PITPNC1: variants seen among roughly 807,000 people sequenced by gnomAD.
The protein encoded by PITPNC1 is phosphatidylinositol transfer protein cytoplasmic 1, also known as cytoplasmic phosphatidylinositol transfer protein 1.
PITPNC1 carries 18 observed loss-of-function variants against 44.7 expected under a neutral mutation model. That is an observed-to-expected ratio of 0.40 (90% CI 0.28 to 0.60). The LOEUF is 0.60. Ranked by LOEUF, PITPNC1 falls within the 20% of genes least tolerant of loss-of-function variation. PITPNC1 has a pLI of 0.39. For synonymous variants in PITPNC1, 141 were observed against 149.6 expected (o/e 0.94, Z 0.42); for missense variants, 290 against 418.4 (o/e 0.69, Z 2.68).
chr17:67,498,149 C>T (rs567449504), intron 1 of PITPNC1, among the ~76,000 whole-genome samples: 2 of 152,272 alleles, frequency 1.3e-5, no homozygotes, highest in South Asian at 2.1e-4. Context: ...GGATTACAGG[C>T]GTGGGCCACT....
At chr17:67,451,936 G>A (rs761213788) in intron 1 of PITPNC1, among the ~76,000 whole-genome samples, 12 of 149,926 alleles carry the variant, frequency 8.0e-5, no homozygotes, top group Non-Finnish European at 1.0e-4. Flanking sequence ...ACGCCTGGCC[G>A]AGACTGGCTT....
chr17:67,380,933 C>T lies in PITPNC1; in HGVS notation c.48+2731C>T, dbSNP rs962040713. Among the ~76,000 whole-genome samples, 5 of 152,200 alleles carry T rather than the reference C, an allele frequency of 3.3e-5. No homozygotes were observed. In the South Asian group the frequency reaches 8.3e-4, roughly 25 times the overall value. On this transcript the variant is annotated intron_variant, in intron 1 of 8. Transcript: ENST00000581322. ...GGACAATAGGTGTGTGCTGCCAACC[C>T]GGCTAATTTTTTTACTTTTTGTAGA...
intron 5 of PITPNC1, among the ~76,000 whole-genome samples, chr17:67,589,120 G>A (rs973859840): frequency 3.9e-5 from 6 of 152,282 alleles, no homozygotes; most frequent in Middle Eastern, 3.4e-3. Flanking sequence ...TGTGTCTAAT[G>A]GTGTCATTTT....
intron 1 of PITPNC1, among the ~76,000 whole-genome samples, chr17:67,448,708 C>T (rs939917730): frequency 2.0e-5 from 3 of 152,216 alleles, no homozygotes; most frequent in African/African-American, 7.2e-5. Flanking sequence ...TCACCTTCCA[C>T]AGTCAAAATC....
At chr17:67,412,330 T>C (rs1231378498) in intron 1 of PITPNC1, among the ~76,000 whole-genome samples, 1 of 152,078 alleles carries the variant, frequency 6.6e-6, no homozygotes. Flanking sequence ...AAATTCCAAG[T>C]AGATACTGAC....
intron 6 of PITPNC1, among the ~76,000 whole-genome samples, chr17:67,655,102 C>A (rs1327058955): frequency 2.0e-5 from 3 of 152,152 alleles, no homozygotes; most frequent in Non-Finnish European, 4.4e-5. Context: ...AAACAATAAA[C>A]ATTGATTTTT....
intron 1 of PITPNC1, among the ~76,000 whole-genome samples, chr17:67,514,317 C>T (rs2040230193): frequency 1.3e-5 from 2 of 151,986 alleles, no homozygotes; most frequent in South Asian, 2.1e-4. Flanking sequence ...CTTCCAGCCT[C>T]AACCTCCGAG....
At chr17:67,521,517 A>G (rs2040324726) in intron 1 of PITPNC1, among the ~76,000 whole-genome samples, 1 of 152,060 alleles carries the variant, frequency 6.6e-6, no homozygotes, top group African/African-American at 2.4e-5. Flanking sequence ...TTCATGGTTT[A>G]TTGACCAGGC....
chr17:67,567,577 G>A (rs541291277), intron 4 of PITPNC1, among the ~76,000 whole-genome samples: 3 of 152,170 alleles, frequency 2.0e-5, no homozygotes, highest in Non-Finnish European at 4.4e-5. Context: ...ATGTACAAGG[G>A]TGCAGCCACT....
At position 67,553,612 on chromosome 17, in the gene PITPNC1, T is replaced by C; in HGVS notation, c.289T>C (p.Tyr97His). The C allele has an allele frequency of 8.1e-7, 1 of 1,236,206 alleles. No individual in the cohort carries two copies. The highest frequency in any genetic ancestry group is 1.1e-6 in the Non-Finnish European group (1 of 891,546). The allele number at this position is 1,236,206 out of a possible 1,614,324, so 76.6% of individuals were successfully genotyped here. A position where few individuals can be genotyped will look rare whatever the true frequency, so the allele number is the denominator to read the frequency against. The change falls in exon 4 of 9, where the codon TAC (tyrosine) becomes CAC (histidine). Residue 97 changes from tyrosine to histidine, a missense_variant and splice_region_variant. Physicochemically the swap from Tyr to His is moderately conservative, Grantham distance 83 (BLOSUM62 2). Coordinates refer to ENST00000581322, the MANE Select transcript of PITPNC1 (RefSeq NM_012417.4). ...TTCAAATGAACATGTGGAAACAGAA[T>C]ACACAGTAAGTTCCATTTAATTATT... ...WNYYPYTITE[Y>H]TCSFLPKFSI...
chr17:67,421,475 G>T (rs2038672508), intron 1 of PITPNC1, among the ~76,000 whole-genome samples: 1 of 152,034 alleles, frequency 6.6e-6, no homozygotes, highest in Non-Finnish European at 1.5e-5. Context: ...TAGAGATGGG[G>T]TTTTACCATG....
intron 2 of PITPNC1, among the ~76,000 whole-genome samples, 164 bp downstream of exon 2, chr17:67,533,114 C>A (rs1033879090): frequency 1.3e-5 from 2 of 152,090 alleles, no homozygotes; most frequent in African/African-American, 2.4e-5. Context: ...CAGAATCTGC[C>A]CGAGCGAGGT....
At position 67,579,614 on chromosome 17, in the gene PITPNC1, A is replaced by ATT. The variant is rs558310588; in HGVS notation, c.366+1384_366+1385dup. Among the ~76,000 whole-genome samples the ATT allele has an allele frequency of 3.7e-4, 33 of 88,790 alleles. 1 individual carries two copies. Among genetic ancestry groups the ATT allele is most frequent in the African/African-American group, 8.6e-4 (18 of 20,958 alleles). The allele number at this position is 88,790 out of a possible 152,430, so 58.2% of individuals were successfully genotyped here. On this transcript the variant is annotated intron_variant, in intron 5 of 8. Transcript: ENST00000581322. ...CAACTTGAATCCTTGTAAAATAGTG[A>ATT]TTTTTTTTTTTTTTTTTTTTTTTTT...
chr17:67,509,557 T>TAA lies in PITPNC1; in HGVS notation c.49-23241_49-23240dup, dbSNP rs968819063. On this transcript the variant is annotated intron_variant, in intron 1 of 8. Coordinates refer to ENST00000581322, the MANE Select transcript of PITPNC1 (RefSeq NM_012417.4). ...ATCTCTAAATTAAATTAAATTGAAT[T>TAA]AAAAATAAATAAATAAATAAATAAA... Among the ~76,000 whole-genome samples the TAA allele has an allele frequency of 3.5e-3, 472 of 135,188 alleles. 5 individuals are homozygous for TAA. The highest frequency in any genetic ancestry group is 0.013 in the African/African-American group (454 of 34,982). The allele number at this position is 135,188 out of a possible 152,430, so 88.7% of individuals were successfully genotyped here. A position where few individuals can be genotyped will look rare whatever the true frequency, so the allele number is the denominator to read the frequency against.
chr17:67,665,124 A>C (rs1485210020), intron 6 of PITPNC1, among the ~76,000 whole-genome samples: 1 of 138,960 alleles, frequency 7.2e-6, no homozygotes, highest in Non-Finnish European at 1.5e-5. Context: ...ACAGGGTCTC[A>C]CTCTGTCACT....
chr17:67,449,189 G>T (rs374297062), intron 1 of PITPNC1, among the ~76,000 whole-genome samples: 5 of 152,298 alleles, frequency 3.3e-5, no homozygotes, highest in East Asian at 3.9e-4. Context: ...CCATTTGGTT[G>T]TACTTATTTA....
intron 6 of PITPNC1, among the ~76,000 whole-genome samples, chr17:67,664,310 C>T (rs147993037): frequency 1.3e-5 from 2 of 152,244 alleles, no homozygotes; most frequent in African/African-American, 4.8e-5. Flanking sequence ...ATGGATATAC[C>T]ACCTATTCTG....
At position 67,602,241 on chromosome 17, in the gene PITPNC1, A is replaced by G. The variant is rs1053185323; in HGVS notation, c.366+23984A>G. Among the ~76,000 whole-genome samples the G allele has an allele frequency of 7.9e-5, 12 of 152,242 alleles. 1 individual carries two copies. The highest frequency in any genetic ancestry group is 2.6e-4 in the African/African-American group (11 of 41,520). On this transcript the variant is annotated intron_variant, in intron 5 of 8. Transcript: ENST00000581322. ...AATTGAGCAAGTGAAGGTCAAAATG[A>G]GCTTTGGAGTCCAGTGAAGACTCTT...
At chr17:67,555,432 C>G (rs1010114820) in intron 4 of PITPNC1, among the ~76,000 whole-genome samples, 2 of 152,172 alleles carry the variant, frequency 1.3e-5, no homozygotes, top group Non-Finnish European at 2.9e-5. Flanking sequence ...AAATATAAAG[C>G]TGTTAGCACA....
Sources: allele counts gnomAD v4.1 joint callset (sites outside exome capture counted in the v4.1 genomes callset), GRCh38; gene constraint gnomAD v4.1.1; transcripts MANE v1.5; gene names NCBI Gene and HGNC (gene_info 2026-07-23, HGNC 2026-07-21).